Variants in DRC11 observed in about 807,000 individuals in gnomAD.
DRC11 encodes the protein dynein regulatory complex subunit 11, also known as IQ and AAA domain-containing protein 1.
chr2:236,338,680 G>A, the DRC11 span, among the ~76,000 whole-genome samples: 2,613 of 152,246 alleles, frequency 0.017, 85 homozygotes, highest in African/African-American at 0.06. Context: ...TTTACAAACG[G>A]AAGGAAGCTC....
chr2:236,405,220 A>G, the DRC11 span, among the ~76,000 whole-genome samples: 2 of 152,020 alleles, frequency 1.3e-5, no homozygotes, highest in Non-Finnish European at 2.9e-5. The surrounding 1 kb of genome is among the most constrained non-coding windows in gnomAD (Gnocchi z 4.6). Flanking sequence ...TGCCTCCGCC[A>G]TTTTCCATCT....
chr2:236,429,399 T>G, the DRC11 span, among the ~76,000 whole-genome samples: 1 of 152,148 alleles, frequency 6.6e-6, no homozygotes, highest in Non-Finnish European at 1.5e-5. The surrounding 1 kb of genome is among the most constrained non-coding windows in gnomAD (Gnocchi z 5.9). Flanking sequence ...GAGGGGTGCA[T>G]GCACATGTAG....
the DRC11 span, among the ~76,000 whole-genome samples, chr2:236,453,129 G>A: frequency 6.6e-6 from 1 of 152,316 alleles, no homozygotes; most frequent in East Asian, 1.9e-4. The surrounding 1 kb of genome is among the most constrained non-coding windows in gnomAD (Gnocchi z 4.9). Flanking sequence ...ATTGATAGGA[G>A]CAGGTCATTC....
At chr2:236,387,559 T>A in the DRC11 span, among the ~76,000 whole-genome samples, 2 of 152,220 alleles carry the variant, frequency 1.3e-5, no homozygotes, top group African/African-American at 4.8e-5. Context: ...TGTGTGTCTC[T>A]GCATGTGAGA....
chr2:236,458,084 T>C, the DRC11 span, among the ~76,000 whole-genome samples: 21 of 152,192 alleles, frequency 1.4e-4, no homozygotes, highest in African/African-American at 5.1e-4. Flanking sequence ...ACCAAAATGG[T>C]TCTAATTACA....
chr2:236,410,983 T>C, the DRC11 span, among the ~76,000 whole-genome samples: 2 of 146,214 alleles, frequency 1.4e-5, no homozygotes, highest in Admixed American at 1.4e-4. Flanking sequence ...GACATAGGCA[T>C]GGGCAAGGAC....
At chr2:236,349,181 G>A in the DRC11 span, among the ~76,000 whole-genome samples, 3 of 152,092 alleles carry the variant, frequency 2.0e-5, no homozygotes, top group South Asian at 2.1e-4. This position sits in a 1 kb window ranked among gnomAD's most constrained non-coding sequence, Gnocchi z 5.5. Context: ...GCAAGCCCCC[G>A]ATTTCCTTCC....
chr2:236,362,905 C>T, the DRC11 span, among the ~76,000 whole-genome samples: 1 of 152,150 alleles, frequency 6.6e-6, no homozygotes, highest in Non-Finnish European at 1.5e-5. This position sits in a 1 kb window ranked among gnomAD's most constrained non-coding sequence, Gnocchi z 5.7. Flanking sequence ...CTACTGCTGT[C>T]GCTCCCTAGT....
At chr2:236,350,225 G>A in the DRC11 span, among the ~76,000 whole-genome samples, 2 of 152,136 alleles carry the variant, frequency 1.3e-5, no homozygotes, top group South Asian at 4.1e-4. This position sits in a 1 kb window ranked among gnomAD's most constrained non-coding sequence, Gnocchi z 5.2. Context: ...TGAAGTTAGC[G>A]ATTGTTCCTT....
the DRC11 span, among the ~76,000 whole-genome samples, chr2:236,378,900 G>A: frequency 2.6e-5 from 4 of 152,116 alleles, no homozygotes; most frequent in African/African-American, 9.7e-5. Flanking sequence ...ACAGCATCTC[G>A]ACCTGGAACT....
chr2:236,500,277 A>G, the DRC11 span, among the ~76,000 whole-genome samples: 1 of 152,180 alleles, frequency 6.6e-6, no homozygotes, highest in East Asian at 1.9e-4. This position sits in a 1 kb window ranked among gnomAD's most constrained non-coding sequence, Gnocchi z 6.3. Context: ...GTTACTGCCC[A>G]AAGTCACAGA....
At chr2:236,506,182 A>C in the DRC11 span, among the ~76,000 whole-genome samples, 1,956 of 152,276 alleles carry the variant, frequency 0.013, 58 homozygotes, top group East Asian at 0.12. This position sits in a 1 kb window ranked among gnomAD's most constrained non-coding sequence, Gnocchi z 4.9. Flanking sequence ...CTCATGGATC[A>C]TGTCTTTGAT....
chr2:236,328,521 G>T, the DRC11 span, among the ~76,000 whole-genome samples: 1 of 151,986 alleles, frequency 6.6e-6, no homozygotes, highest in Non-Finnish European at 1.5e-5. This position sits in a 1 kb window ranked among gnomAD's most constrained non-coding sequence, Gnocchi z 6.7. Flanking sequence ...TGCAGTTCCA[G>T]CATTCTGTCT....
the DRC11 span, among the ~76,000 whole-genome samples, chr2:236,453,964 G>A: frequency 6.6e-6 from 1 of 152,220 alleles, no homozygotes; most frequent in African/African-American, 2.4e-5. This position sits in a 1 kb window ranked among gnomAD's most constrained non-coding sequence, Gnocchi z 4.9. Flanking sequence ...TTTTAGTGGT[G>A]TCCTTCCCCT....
chr2:236,459,665 G>C, the DRC11 span, among the ~76,000 whole-genome samples: 1 of 139,032 alleles, frequency 7.2e-6, no homozygotes, highest in African/African-American at 2.6e-5. Flanking sequence ...ATATACATAC[G>C]TATATACGTA....
At chr2:236,319,472 G>A in the DRC11 span, among the ~76,000 whole-genome samples, 2 of 152,154 alleles carry the variant, frequency 1.3e-5, no homozygotes, top group South Asian at 4.1e-4. The surrounding 1 kb of genome is among the most constrained non-coding windows in gnomAD (Gnocchi z 6.7). Flanking sequence ...ACATTTCTAG[G>A]ATGCTTAATC....
the DRC11 span, among the ~76,000 whole-genome samples, chr2:236,426,166 GAA>G: frequency 1.3e-5 from 2 of 151,968 alleles, no homozygotes; most frequent in African/African-American, 4.8e-5. The surrounding 1 kb of genome is among the most constrained non-coding windows in gnomAD (Gnocchi z 4.1). Flanking sequence ...CTATTTCTGT[GAA>G]AAAGTGTCAC....
the DRC11 span, among the ~76,000 whole-genome samples, chr2:236,447,737 T>G: frequency 3.3e-5 from 5 of 152,198 alleles, no homozygotes; most frequent in Non-Finnish European, 4.4e-5. This position sits in a 1 kb window ranked among gnomAD's most constrained non-coding sequence, Gnocchi z 4.6. Context: ...CTCACACAGA[T>G]AGTCCAGGTT....
the DRC11 span, chr2:236,368,275 G>C: frequency 1.2e-5 from 20 of 1,604,556 alleles, no homozygotes; most frequent in South Asian, 2.1e-4. Flanking sequence ...ACCTGGCGAA[G>C]AGTAGTCCCC....
Sources: allele counts gnomAD v4.1 joint callset (sites outside exome capture counted in the v4.1 genomes callset), GRCh38; gene constraint gnomAD v4.1.1; non-coding constraint Gnocchi (gnomAD v3.1); transcripts MANE v1.5; gene names NCBI Gene and HGNC (gene_info 2026-07-23, HGNC 2026-07-21).